ZNF197: variants seen among roughly 807,000 people sequenced by gnomAD.
ZNF197 encodes the protein VHL-associated KRAB-A domain-containing protein.
ZNF197 carries 14 observed loss-of-function variants against 27.4 expected under a neutral mutation model. That is an observed-to-expected ratio of 0.51 (90% CI 0.34 to 0.80). The LOEUF is 0.80. Ranked by LOEUF, ZNF197 falls within the 30% of genes least tolerant of loss-of-function variation. The pLI is 0.02. For missense variants in ZNF197, 1,090 were observed against 1,222.6 expected (o/e 0.89, Z 1.62); for synonymous variants, 415 against 420.0 (o/e 0.99, Z 0.15).
In ZNF197 at chr3:44,646,050, G is replaced by GT. The variant is rs1702937546; in HGVS notation, c.*1833dup. 1 of 985,298 alleles carries GT rather than the reference G, an allele frequency of 1.0e-6. No homozygotes were observed. 61.0% of individuals were successfully genotyped at this position (985,298 alleles called of 1,614,324 possible). ...TAAATGTTATTAATTCAACCCCACA[G>GT]TTTCTTGGGGGCTGGTTCCTCATTA... On this transcript the variant is annotated 3_prime_UTR_variant, in exon 6 of 6. Coordinates refer to ENST00000344387, the MANE Select transcript of ZNF197 (RefSeq NM_006991.5).
chr3:44,630,935 T>C lies in ZNF197; in HGVS notation c.391-127T>C, dbSNP rs1701953266. The C allele has an allele frequency of 2.3e-6, 3 of 1,278,328 alleles. No homozygotes were observed. In the East Asian group the frequency reaches 6.9e-5, roughly 30 times the overall value. 79.2% of individuals were successfully genotyped at this position (1,278,328 alleles called of 1,614,324 possible). On this transcript the variant is annotated intron_variant, in intron 2 of 5. Transcript: ENST00000344387. Reference sequence around the variant, plus strand: ...CAAAGCTTTACTGCTGTTTTGATGCTCCATACTTGAGGTGGGTCTCTCTGA... The same window carrying C: ...CAAAGCTTTACTGCTGTTTTGATGCCCCATACTTGAGGTGGGTCTCTCTGA...
In ZNF197 at chr3:44,644,374, C is replaced by A; in HGVS notation, c.*154C>A. On this transcript the variant is annotated 3_prime_UTR_variant, in exon 6 of 6. Coordinates refer to ENST00000344387, the MANE Select transcript of ZNF197 (RefSeq NM_006991.5). ...AGTTAATAGGCCGGGCTTGGTGGCT[C>A]ATGCCTGTAATCCCAGCACTTTGAG... 2 of 1,397,336 alleles carry A rather than the reference C, an allele frequency of 1.4e-6. No homozygotes were observed. The highest frequency in any genetic ancestry group is 1.8e-6 in the Non-Finnish European group (2 of 1,083,960). The allele number at this position is 1,397,336 out of a possible 1,614,324, so 86.6% of individuals were successfully genotyped here.
Position 44,642,345 on chromosome 3 carries a change from A to G in ZNF197, c.1215A>G (p.Lys405=). Residue 405 remains lysine, a synonymous_variant, in exon 6 of 6, where the codon AAA becomes AAG. Coordinates refer to ENST00000344387, the MANE Select transcript of ZNF197 (RefSeq NM_006991.5). ...EKPHKCKECG[K]GFIQRSSLLM... ...CTCATAAATGTAAGGAATGTGGAAA[A>G]GGCTTTATTCAGCGTTCGAGCCTTC... The G allele has an allele frequency of 1.9e-6, 3 of 1,614,162 alleles. No individual in the cohort carries two copies. Among genetic ancestry groups the G allele is most frequent in the Non-Finnish European group, 2.5e-6 (3 of 1,180,028 alleles).
chr3:44,641,835 T>A, intron 5 of ZNF197, 65 bp from the exon 6 acceptor site: 1 of 1,471,420 alleles, frequency 6.8e-7, no homozygotes, highest in South Asian at 1.5e-5. Flanking sequence ...TAAAGTCATT[T>A]GAAGATCCTG....
In ZNF197 at chr3:44,644,938, AT is replaced by A. The variant is rs1203160133; in HGVS notation, c.*722del. 1.0e-6 allele frequency: 1 copy of A among 985,310 alleles called. No homozygotes were observed. Among genetic ancestry groups the A allele is most frequent in the Non-Finnish European group, 1.2e-6 (1 of 829,880 alleles). 61.0% of individuals were successfully genotyped at this position (985,310 alleles called of 1,614,324 possible). On this transcript the variant is annotated 3_prime_UTR_variant, in exon 6 of 6. Coordinates refer to ENST00000344387, the MANE Select transcript of ZNF197 (RefSeq NM_006991.5). ...GTTTTTTAAAATGTGTATAGTATGC[AT>A]TTTAAAGATAGTGTCACTGCTGTGG...
chr3:44,644,274 A>G lies in ZNF197; in HGVS notation c.*54A>G. On this transcript the variant is annotated 3_prime_UTR_variant, in exon 6 of 6. Coordinates refer to ENST00000344387, the MANE Select transcript of ZNF197 (RefSeq NM_006991.5). ...TGCCTACTTAAGTAACTGTTGGACAAATGATATATATTTCTTCTAAGGAAA... is the reference window on the plus strand; with the variant it reads ...TGCCTACTTAAGTAACTGTTGGACAGATGATATATATTTCTTCTAAGGAAA... 6.5e-7 allele frequency: 1 copy of G among 1,526,996 alleles called. No individual in the cohort carries two copies. Among genetic ancestry groups the G allele is most frequent in the South Asian group, 1.3e-5 (1 of 74,518 alleles). The allele number at this position is 1,526,996 out of a possible 1,614,324, so 94.6% of individuals were successfully genotyped here.
chr3:44,633,487 T>G (rs1702118962), intron 5 of ZNF197, among the ~76,000 whole-genome samples: 2 of 152,204 alleles, frequency 1.3e-5, no homozygotes, highest in Non-Finnish European at 2.9e-5. Context: ...GTTTCATTCC[T>G]AGGGATTAGC....
At position 44,629,175 on chromosome 3, in the gene ZNF197, CCACAATG is replaced by C; in HGVS notation, c.23_29del (p.His8LeufsTer2). 1 of 1,611,656 alleles carries C rather than the reference CCACAATG, an allele frequency of 6.2e-7. No individual in the cohort carries two copies. Among genetic ancestry groups the C allele is most frequent in the Non-Finnish European group, 8.5e-7 (1 of 1,179,212 alleles). The stretch of plus-strand genomic sequence containing the variant: ...CAACAATGACAAGAGAAAATGTAGC[CCACAATG>C]CTCTGAGACAAGAGGGCCTTGTGAA... On this transcript the variant is annotated frameshift_variant, in exon 2 of 6. Transcript: ENST00000344387. LOFTEE classifies it high-confidence loss of function.
Position 44,643,815 on chromosome 3 carries a change from C to T in ZNF197, c.2685C>T (p.Ile895=). ...SSRNLMVHQR[I]HTGEKPYKCN... is the part of the protein sequence containing the mutation. The stretch of plus-strand genomic sequence containing the variant: ...GAAATCTTATGGTACATCAAAGAAT[C>T]CATACTGGAGAGAAACCTTATAAAT... The change falls in exon 6 of 6, where the codon ATC becomes ATT. Residue 895 remains isoleucine, a synonymous_variant. Transcript: ENST00000344387. The T allele has an allele frequency of 1.2e-6, 2 of 1,613,874 alleles. No individual in the cohort carries two copies. The highest frequency in any genetic ancestry group is 1.7e-5 in the Admixed American group (1 of 59,994).
At chr3:44,639,653 T>C (rs1332547988) in intron 5 of ZNF197, among the ~76,000 whole-genome samples, 1 of 152,082 alleles carries the variant, frequency 6.6e-6, no homozygotes, top group African/African-American at 2.4e-5. Flanking sequence ...CTCCTTTTTA[T>C]TTTTTTAAGA....
rs577074236 is a variant in ZNF197, at chr3:44,644,506, C to G, written c.*286C>G. ...TACAAAAATTATCCGGGCATGGGGGCACACACCGGTAATCCCAGCTACTCA... is the reference window on the plus strand; with the variant it reads ...TACAAAAATTATCCGGGCATGGGGGGACACACCGGTAATCCCAGCTACTCA... On this transcript the variant is annotated 3_prime_UTR_variant, in exon 6 of 6. Coordinates refer to ENST00000344387, the MANE Select transcript of ZNF197 (RefSeq NM_006991.5). 2.5e-6 allele frequency: 2 copies of G among 813,452 alleles called. No homozygotes were observed. Among genetic ancestry groups the G allele is most frequent in the African/African-American group, 1.8e-5 (1 of 54,228 alleles). 50.4% of individuals were successfully genotyped at this position (813,452 alleles called of 1,614,324 possible). A position where few individuals can be genotyped will look rare whatever the true frequency, so the allele number is the denominator to read the frequency against.
Position 44,631,993 on chromosome 3 carries a change from G to A in ZNF197, c.551-112G>A, listed in dbSNP as rs1251809120. On this transcript the variant is annotated intron_variant, in intron 3 of 5. Coordinates refer to ENST00000344387, the MANE Select transcript of ZNF197 (RefSeq NM_006991.5). ...TGGGATTACAGGTGTGAGCCACCAC[G>A]CCCTGCCTTGTATCATTCTTACTGC... is the stretch of plus-strand genomic sequence containing the variant. 3.6e-5 allele frequency: 35 copies of A among 965,358 alleles called. 2 individuals are homozygous for A. Among genetic ancestry groups the A allele is most frequent in the South Asian group, 3.0e-4 (22 of 73,782 alleles). 59.8% of individuals were successfully genotyped at this position (965,358 alleles called of 1,614,324 possible). A position where few individuals can be genotyped will look rare whatever the true frequency, so the allele number is the denominator to read the frequency against.
Position 44,645,574 on chromosome 3 carries a change from A to T in ZNF197, c.*1354A>T. 1.0e-6 allele frequency: 1 copy of T among 985,372 alleles called. No individual in the cohort carries two copies. The highest frequency in any genetic ancestry group is 1.2e-6 in the Non-Finnish European group (1 of 829,930). The allele number at this position is 985,372 out of a possible 1,614,324, so 61.0% of individuals were successfully genotyped here. Reference sequence around the variant, plus strand: ...TGAATTTGAAACTTAACAGATGGAGAGTGTCAAAATGGAAGGGCAGTGGTA... The same window carrying T: ...TGAATTTGAAACTTAACAGATGGAGTGTGTCAAAATGGAAGGGCAGTGGTA... On this transcript the variant is annotated 3_prime_UTR_variant, in exon 6 of 6. Transcript: ENST00000344387.
rs1232221652 is a variant in ZNF197 at position 44,647,426 on chromosome 3, T to C, written c.*3206T>C. 2.0e-5 allele frequency: 3 copies of C among 152,224 alleles called. No individual in the cohort carries two copies. The highest frequency in any genetic ancestry group is 4.4e-5 in the Non-Finnish European group (3 of 68,026). 9.4% of individuals were successfully genotyped at this position (152,224 alleles called of 1,614,324 possible). A position where few individuals can be genotyped will look rare whatever the true frequency, so the allele number is the denominator to read the frequency against. On this transcript the variant is annotated 3_prime_UTR_variant, in exon 6 of 6. Transcript: ENST00000344387. The stretch of plus-strand genomic sequence containing the variant: ...TGTAAAACCACACATGTATATGTCA[T>C]GCTTCAGGAATTGCACTTCTGAGCA...
In ZNF197 at chr3:44,641,513, A is replaced by G. The variant is rs139474651; in HGVS notation, c.770-387A>G. On this transcript the variant is annotated intron_variant, in intron 5 of 5. Coordinates refer to ENST00000344387, the MANE Select transcript of ZNF197 (RefSeq NM_006991.5). ...CCCTTAAAGTTTCCATCCTTCTAACATGAAGAAAATAATAAAGAAAGTTAC... is the reference window on the plus strand; with the variant it reads ...CCCTTAAAGTTTCCATCCTTCTAACGTGAAGAAAATAATAAAGAAAGTTAC... Among the ~76,000 whole-genome samples the G allele has an allele frequency of 9.8e-5, 15 of 152,350 alleles. No individual in the cohort carries two copies. The East Asian group carries it at 2.9e-3, about 29-fold the overall frequency.
intron 1 of ZNF197, among the ~76,000 whole-genome samples, chr3:44,626,669 C>T (rs1291012321): frequency 6.6e-6 from 1 of 152,136 alleles, no homozygotes; most frequent in African/African-American, 2.4e-5. Context: ...AGAGCACAAA[C>T]TTTGAGAAAC....
chr3:44,625,805 G>A (rs1429933167), intron 1 of ZNF197, among the ~76,000 whole-genome samples: 2 of 151,406 alleles, frequency 1.3e-5, no homozygotes, highest in Non-Finnish European at 2.9e-5. Context: ...CAACCTGTCA[G>A]CGACGATTGT....
At chr3:44,638,271 A>G (rs1702415214) in intron 5 of ZNF197, among the ~76,000 whole-genome samples, 1 of 151,944 alleles carries the variant, frequency 6.6e-6, no homozygotes, top group African/African-American at 2.4e-5. Flanking sequence ...ATGCATAGAA[A>G]TACCACTTTT....
At position 44,640,023 on chromosome 3, in the gene ZNF197, A is replaced by C. The variant is rs1346724652; in HGVS notation, c.770-1877A>C. ...GAAAGATCATTGACAGAAGATAGGC[A>C]TGGATTAGGGCAGATGAAAGGCGGG... On this transcript the variant is annotated intron_variant, in intron 5 of 5. Coordinates refer to ENST00000344387, the MANE Select transcript of ZNF197 (RefSeq NM_006991.5). The surrounding 1 kb of genome is among the most constrained non-coding windows in gnomAD (Gnocchi z 4.0). Among the ~76,000 whole-genome samples the C allele has an allele frequency of 6.6e-6, 1 of 152,188 alleles. No individual in the cohort carries two copies. The highest frequency in any genetic ancestry group is 2.4e-5 in the African/African-American group (1 of 41,440).
Sources: gnomAD v4.1 joint callset for allele counts (sites outside exome capture counted in the v4.1 genomes callset) on GRCh38, gnomAD v4.1.1 for gene constraint, Gnocchi (gnomAD v3.1) non-coding constraint, MANE v1.5 for transcripts, NCBI Gene and HGNC (gene_info 2026-07-23, HGNC 2026-07-21) for gene names.